The following CLYBL variants were observed in gnomAD, a reference collection of about 807,000 sequenced individuals.
CLYBL encodes citramalyl-CoA lyase, also known as citramalyl-CoA lyase, mitochondrial.
A neutral mutation model predicts 38.9 loss-of-function variants in CLYBL; 31 were observed. That is an observed-to-expected ratio of 0.80 (90% CI 0.60 to 1.08). The LOEUF (loss-of-function observed/expected upper bound fraction) is 1.08. CLYBL is among the 50% of genes least tolerant of loss of function. The probability of loss-of-function intolerance (pLI) is 0.00; values close to 1 mark genes in which losing one functional copy is unlikely to be tolerated. For missense variants in CLYBL, 434 were observed against 411.6 expected, an observed-to-expected ratio of 1.05 and a Z score of -0.47; for synonymous variants, 171 against 158.6, an observed-to-expected ratio of 1.08 and a Z score of -0.59.
chr13:99,866,162 A>C, intron 5 of CLYBL, 78 bp from the exon 6 acceptor site: 1 of 1,382,840 alleles, frequency 7.2e-7, no homozygotes, highest in East Asian at 2.3e-5. Flanking sequence ...ATCTGTACAA[A>C]CTGAGGTTTT....
At chr13:99,663,694 C>G (rs1191608240) in intron 1 of CLYBL, among the ~76,000 whole-genome samples, 2 of 152,174 alleles carry the variant, frequency 1.3e-5, no homozygotes, top group South Asian at 2.1e-4. Context: ...GGATTAGCAA[C>G]AAAGAGAGCT....
intron 1 of CLYBL, among the ~76,000 whole-genome samples, chr13:99,619,684 G>A (rs1294828580): frequency 1.3e-5 from 2 of 152,132 alleles, no homozygotes; most frequent in African/African-American, 2.4e-5. Context: ...ATGCTGACCC[G>A]CAGTTGGCCC....
At chr13:99,900,986 C>T (rs1370566991), downstream of CLYBL, among the ~76,000 whole-genome samples, 1 of 152,234 alleles carries the variant, frequency 6.6e-6, no homozygotes, top group African/African-American at 2.4e-5. Flanking sequence ...TGAGCACCTG[C>T]CTCCCAGACT....
At chr13:99,888,559 G>A (rs1354573587) in intron 7 of CLYBL, among the ~76,000 whole-genome samples, 1 of 152,046 alleles carries the variant, frequency 6.6e-6, no homozygotes, top group Non-Finnish European at 1.5e-5. Flanking sequence ...AGACCAGCCT[G>A]GACAACATGG....
At chr13:99,699,173 G>A (rs938898755) in intron 1 of CLYBL, among the ~76,000 whole-genome samples, 1 of 151,966 alleles carries the variant, frequency 6.6e-6, no homozygotes, top group Non-Finnish European at 1.5e-5. Flanking sequence ...ATCACCTGAG[G>A]TCGGGAGTTC....
chr13:99,897,661 C>T (rs1189796912), downstream of CLYBL, among the ~76,000 whole-genome samples: 2 of 152,098 alleles, frequency 1.3e-5, no homozygotes, highest in Non-Finnish European at 2.9e-5. Context: ...ATATAGAAAA[C>T]TGGGTCGGGT....
At chr13:99,859,096 G>A (rs755671106) in intron 3 of CLYBL, 47 bp downstream of exon 3, 10 of 1,503,604 alleles carry the variant, frequency 6.7e-6, no homozygotes, top group Non-Finnish European at 9.0e-6. Flanking sequence ...AGCTAAGGAG[G>A]AGTAGCAGGA....
intron 1 of CLYBL, among the ~76,000 whole-genome samples, chr13:99,729,322 C>T (rs1269758803): frequency 6.6e-6 from 1 of 152,220 alleles, no homozygotes; most frequent in African/African-American, 2.4e-5. Context: ...CCCTCCAAAC[C>T]TTCCTTCAGC....
chr13:99,830,154 A>C (rs562484400), intron 2 of CLYBL, among the ~76,000 whole-genome samples: 1 of 152,288 alleles, frequency 6.6e-6, no homozygotes, highest in South Asian at 2.1e-4. Flanking sequence ...TGACTAGATA[A>C]TTGTAGAGCT....
chr13:99,855,583 G>A (rs1211375022), intron 2 of CLYBL, among the ~76,000 whole-genome samples: 1 of 152,150 alleles, frequency 6.6e-6, no homozygotes, highest in East Asian at 1.9e-4. Flanking sequence ...AAGAAGTACA[G>A]TGTGTGTGGC....
intron 3 of CLYBL, among the ~76,000 whole-genome samples, chr13:99,861,850 G>A (rs1040695883): frequency 5.9e-4 from 90 of 152,144 alleles, no homozygotes; most frequent in Non-Finnish European, 1.9e-4. Flanking sequence ...CTCTAATCCC[G>A]CTTCTGGTAA....
Position 99,650,415 on chromosome 13 carries a change from C to G in CLYBL, c.62+43658C>G, listed in dbSNP as rs183832716. On this transcript the variant is annotated intron_variant, in intron 1 of 8. Transcript: ENST00000339105. ...CCAGCCTGGGTGACAGAATGAGACC[C>G]TGTCTCAAAAAAAGAAGTTTTCAAG... is the stretch of plus-strand genomic sequence containing the variant. 2.9e-3 allele frequency among the ~76,000 whole-genome samples: 444 copies of G among 152,232 alleles called. 3 individuals carry two copies. Among genetic ancestry groups the G allele is most frequent in the South Asian group, 0.018 (86 of 4,816 alleles).
rs1461586859 is a variant in CLYBL, at chr13:99,640,509, T to C, written c.62+33752T>C. ...AGTGTGAGAATGTGGTTTTTCCCTG[T>C]AGTGTTCTTTTGAGTAGTTGACAGC... On this transcript the variant is annotated intron_variant, in intron 1 of 8. Coordinates refer to ENST00000339105, the MANE Select transcript of CLYBL (RefSeq NM_206808.5). Among the ~76,000 whole-genome samples, 7 of 152,372 alleles carry C rather than the reference T, an allele frequency of 4.6e-5. No homozygotes were observed. The East Asian group carries it at 1.3e-3, about 29-fold the overall frequency.
intron 1 of CLYBL, among the ~76,000 whole-genome samples, chr13:99,612,455 T>G (rs1566588155): frequency 6.9e-6 from 1 of 145,572 alleles, no homozygotes; most frequent in Non-Finnish European, 1.5e-5. Context: ...TGATGCAATC[T>G]TGGCTCACTG....
downstream of CLYBL, chr13:99,893,408 G>C (rs1410369550): frequency 6.6e-6 from 1 of 152,370 alleles, no homozygotes; most frequent in Non-Finnish European, 1.5e-5. Context: ...AGAACACAGA[G>C]GGATGGGAGG....
intron 2 of CLYBL, among the ~76,000 whole-genome samples, chr13:99,817,862 G>A (rs957786607): frequency 1.3e-5 from 2 of 151,826 alleles, no homozygotes; most frequent in Non-Finnish European, 2.9e-5. Flanking sequence ...AAATTAGTCG[G>A]GCGTGGTGGC....
At chr13:99,826,132 T>C (rs1345465933) in intron 2 of CLYBL, among the ~76,000 whole-genome samples, 1 of 152,246 alleles carries the variant, frequency 6.6e-6, no homozygotes, top group African/African-American at 2.4e-5. Flanking sequence ...TAGGCTATAG[T>C]ACCCGGTTAT....
At chr13:99,859,888 G>A (rs1246486873) in intron 3 of CLYBL, among the ~76,000 whole-genome samples, 1 of 152,152 alleles carries the variant, frequency 6.6e-6, no homozygotes, top group African/African-American at 2.4e-5. Context: ...CCTGTGAGGT[G>A]TGAAAACTGG....
intron 1 of CLYBL, among the ~76,000 whole-genome samples, chr13:99,747,502 G>A (rs1415906674): frequency 6.6e-6 from 1 of 152,102 alleles, no homozygotes; most frequent in Non-Finnish European, 1.5e-5. Flanking sequence ...GTGAGGTGGA[G>A]CCACTCCGGG....
Sources: allele counts gnomAD v4.1 joint callset (sites outside exome capture counted in the v4.1 genomes callset), GRCh38; gene constraint gnomAD v4.1.1; transcripts MANE v1.5; gene names NCBI Gene and HGNC (gene_info 2026-07-23, HGNC 2026-07-21).